GPR137B: variants seen among roughly 807,000 people sequenced by gnomAD.
GPR137B encodes the protein integral membrane protein GPR137B.
In GPR137B, 42 loss-of-function variants were observed where a neutral mutation model predicts 42.5. The ratio of observed to expected loss-of-function variants is 0.99; its 90% CI spans 0.77 to 1.28. The LOEUF (loss-of-function observed/expected upper bound fraction) is 1.28. Ranked by LOEUF, GPR137B falls within the 50% of genes most tolerant of loss-of-function variation. The pLI is 0.00. For synonymous variants in GPR137B, 218 were observed against 209.7 expected, an observed-to-expected ratio of 1.04 and a Z score of -0.34; for missense variants, 487 against 493.9, an observed-to-expected ratio of 0.99 and a Z score of 0.13.
At chr1:236,200,633 C>G (rs906307364) in intron 5 of GPR137B, among the ~76,000 whole-genome samples, 6 of 151,962 alleles carry the variant, frequency 3.9e-5, no homozygotes, top group African/African-American at 1.5e-4. Flanking sequence ...GCTTTAAAGT[C>G]TATTTTGTCT....
At chr1:236,204,711 G>A (rs1324345588) in intron 5 of GPR137B, among the ~76,000 whole-genome samples, 1 of 152,148 alleles carries the variant, frequency 6.6e-6, no homozygotes, top group Non-Finnish European at 1.5e-5. Context: ...TTAGGGAGCA[G>A]AGAAATTCTA....
At chr1:236,170,324 T>C (rs2102904686) in intron 2 of GPR137B, among the ~76,000 whole-genome samples, 1 of 152,376 alleles carries the variant, frequency 6.6e-6, no homozygotes, top group Middle Eastern at 3.4e-3. Flanking sequence ...AAAGACTTTT[T>C]ACTTAAAATT....
At chr1:236,175,833 C>T (rs781338984) in intron 2 of GPR137B, among the ~76,000 whole-genome samples, 4 of 152,128 alleles carry the variant, frequency 2.6e-5, no homozygotes, top group African/African-American at 4.8e-5. Flanking sequence ...GAGGAAGCAG[C>T]GGGGCTTGCT....
intron 2 of GPR137B, among the ~76,000 whole-genome samples, chr1:236,178,014 T>C (rs558479715): frequency 6.6e-6 from 1 of 152,310 alleles, no homozygotes; most frequent in South Asian, 2.1e-4. Context: ...TTTCAAGTGA[T>C]GGAACCAAGG....
intron 2 of GPR137B, among the ~76,000 whole-genome samples, chr1:236,169,320 T>A (rs1397409021): frequency 6.6e-6 from 1 of 152,204 alleles, no homozygotes; most frequent in Non-Finnish European, 1.5e-5. Context: ...TCTCAGCTGC[T>A]GGTAGGCTCC....
intron 5 of GPR137B, among the ~76,000 whole-genome samples, chr1:236,202,556 C>G (rs892172747): frequency 2.0e-5 from 3 of 152,030 alleles, no homozygotes; most frequent in African/African-American, 4.8e-5. Flanking sequence ...TTCTGTCTGT[C>G]CAAGTGGGAG....
intron 1 of GPR137B, among the ~76,000 whole-genome samples, chr1:236,163,177 C>G (rs1245068657): frequency 6.6e-6 from 1 of 152,190 alleles, no homozygotes; most frequent in African/African-American, 2.4e-5. Context: ...TTTGACTGAC[C>G]TGCTGGATTT....
At chr1:236,185,002 G>T (rs910708799) in intron 5 of GPR137B, among the ~76,000 whole-genome samples, 3 of 152,056 alleles carry the variant, frequency 2.0e-5, no homozygotes, top group African/African-American at 7.2e-5. Flanking sequence ...CCTGACCTCA[G>T]GTGATCCGAC....
chr1:236,202,434 T>C (rs1663518869), intron 5 of GPR137B, among the ~76,000 whole-genome samples: 1 of 152,050 alleles, frequency 6.6e-6, no homozygotes, highest in Non-Finnish European at 1.5e-5. Flanking sequence ...TCTCAGAATT[T>C]GCAGTGGCCT....
chr1:236,142,696 G>GC lies in GPR137B; in HGVS notation c.75dup (p.Asn26GlnfsTer173). 1 of 1,586,792 alleles carries GC rather than the reference G, an allele frequency of 6.3e-7. No homozygotes were observed. The highest frequency in any genetic ancestry group is 8.5e-7 in the Non-Finnish European group (1 of 1,171,250). On this transcript the variant is annotated frameshift_variant, in exon 1 of 7. Transcript: ENST00000366592. LOFTEE classifies it high-confidence loss of function. Reference sequence around the variant, plus strand: ...GAGACCCCGCCGTGGGACCCAGCCCGCAACGACTCGCTGCCGCCCACGCTG... The same window carrying GC: ...GAGACCCCGCCGTGGGACCCAGCCCGCCAACGACTCGCTGCCGCCCACGCTG...
rs1378972030 is a variant in GPR137B, at chr1:236,171,344, C to T, written c.464+2589C>T. Among the ~76,000 whole-genome samples, 14 of 152,168 alleles carry T rather than the reference C, an allele frequency of 9.2e-5. No individual in the cohort carries two copies. Among genetic ancestry groups the T allele is most frequent in the Non-Finnish European group, 2.9e-5 (2 of 68,036 alleles). ...CTCCAGTAACAAGATAGTAGCCTCT[C>T]CTCTGCATCTATAGTCTTTGCCCTG... On this transcript the variant is annotated intron_variant, in intron 2 of 6. Coordinates refer to ENST00000366592, the MANE Select transcript of GPR137B (RefSeq NM_003272.4). This position sits in a 1 kb window ranked among gnomAD's most constrained non-coding sequence, Gnocchi z 4.4.
In GPR137B at chr1:236,150,791, G is replaced by T. The variant is rs530865234; in HGVS notation, c.414+7755G>T. 6.6e-6 allele frequency among the ~76,000 whole-genome samples: 1 copy of T among 152,314 alleles called. No homozygotes were observed. Among genetic ancestry groups the T allele is most frequent in the South Asian group, 2.1e-4 (1 of 4,826 alleles). On this transcript the variant is annotated intron_variant, in intron 1 of 6. Coordinates refer to ENST00000366592, the MANE Select transcript of GPR137B (RefSeq NM_003272.4). The surrounding 1 kb of genome is among the most constrained non-coding windows in gnomAD (Gnocchi z 6.2). ...CAGAACTGGTAGTGACCAGCAGGGAGGCAGGGCCGGAGCACTGTCCTGAGG... is the reference window on the plus strand; with the variant it reads ...CAGAACTGGTAGTGACCAGCAGGGATGCAGGGCCGGAGCACTGTCCTGAGG...
At position 236,150,448 on chromosome 1, in the gene GPR137B, C is replaced by T. The variant is rs780591335; in HGVS notation, c.414+7412C>T. Among the ~76,000 whole-genome samples the T allele has an allele frequency of 6.6e-5, 10 of 152,186 alleles. No individual in the cohort carries two copies. Among genetic ancestry groups the T allele is most frequent in the Admixed American group, 1.3e-4 (2 of 15,284 alleles). On this transcript the variant is annotated intron_variant, in intron 1 of 6. Transcript: ENST00000366592. The surrounding 1 kb of genome is among the most constrained non-coding windows in gnomAD (Gnocchi z 6.2). ...AGCCCAGTTTCCCGAGCCCTCTCCT[C>T]GAGCCATGGCAGCGTGCTCTTCTCT...
chr1:236,187,060 T>C (rs1450732810), intron 5 of GPR137B, among the ~76,000 whole-genome samples: 5 of 152,242 alleles, frequency 3.3e-5, no homozygotes, highest in African/African-American at 1.2e-4. Context: ...TGTGAGATGG[T>C]ATCTCATTGT....
intron 5 of GPR137B, among the ~76,000 whole-genome samples, chr1:236,196,970 G>T (rs1025970148): frequency 5.3e-5 from 8 of 152,104 alleles, no homozygotes; most frequent in Admixed American, 4.6e-4. Flanking sequence ...TTACCTCTGG[G>T]TAGATACCCA....
At chr1:236,173,150 G>A (rs1233501380) in intron 2 of GPR137B, among the ~76,000 whole-genome samples, 1 of 151,672 alleles carries the variant, frequency 6.6e-6, no homozygotes, top group East Asian at 2.0e-4. Context: ...AATCAGCTGG[G>A]CGTAGTGGTG....
chr1:236,167,023 A>G (rs867266615), intron 1 of GPR137B, among the ~76,000 whole-genome samples: 1 of 152,036 alleles, frequency 6.6e-6, no homozygotes, highest in African/African-American at 2.4e-5. Context: ...GGGCTGTGGG[A>G]GGAAAGGCCC....
At chr1:236,161,830 G>A (rs963324733) in intron 1 of GPR137B, among the ~76,000 whole-genome samples, 13 of 152,162 alleles carry the variant, frequency 8.5e-5, no homozygotes, top group African/African-American at 3.1e-4. Context: ...CCCCAGCCAT[G>A]TGGAATTGTT....
intron 1 of GPR137B, among the ~76,000 whole-genome samples, chr1:236,146,221 G>A (rs79676989): frequency 0.027 from 4,114 of 152,272 alleles, 181 homozygotes; most frequent in African/African-American, 0.093. Context: ...TTCTCCTGGA[G>A]CGCAAAATCA....
Sources: gnomAD v4.1 joint callset for allele counts (sites outside exome capture counted in the v4.1 genomes callset) on GRCh38, gnomAD v4.1.1 for gene constraint, Gnocchi (gnomAD v3.1) non-coding constraint, MANE v1.5 for transcripts, NCBI Gene and HGNC (gene_info 2026-07-23, HGNC 2026-07-21) for gene names.